DSCAM: variants seen among roughly 807,000 people sequenced by gnomAD.
DSCAM encodes the protein DS cell adhesion molecule, also known as cell adhesion molecule DSCAM.
DSCAM carries 47 observed loss-of-function variants against 217.7 expected under a neutral mutation model. That is an observed-to-expected ratio of 0.22 (90% CI 0.17 to 0.28). The LOEUF (loss-of-function observed/expected upper bound fraction) is 0.28, where lower values mean the gene tolerates loss of function less well. DSCAM is among the 10% of genes least tolerant of loss of function. DSCAM has a pLI of 1.00. For missense variants in DSCAM, 2,080 were observed against 2,618.3 expected (o/e 0.79, Z 4.49); for synonymous variants, 1,056 against 1,015.3 (o/e 1.04, Z -0.76).
chr21:40,585,546 A>T (rs1422137945), intron 3 of DSCAM, among the ~76,000 whole-genome samples: 1 of 152,084 alleles, frequency 6.6e-6, no homozygotes, highest in Non-Finnish European at 1.5e-5. Flanking sequence ...TTCAGAGAGG[A>T]TCTATTTTTT....
chr21:40,561,690 A>G (rs1009408941), intron 3 of DSCAM, among the ~76,000 whole-genome samples: 5 of 151,916 alleles, frequency 3.3e-5, no homozygotes, highest in Non-Finnish European at 5.9e-5. Flanking sequence ...TTTTGTTTCA[A>G]TCTTAGGTCT....
chr21:40,298,201 C>T (rs1256336106), intron 9 of DSCAM, among the ~76,000 whole-genome samples: 1 of 151,702 alleles, frequency 6.6e-6, no homozygotes, highest in African/African-American at 2.4e-5. Flanking sequence ...CTGCCTCAGC[C>T]TCCTGAGTAG....
chr21:40,441,099 C>T (rs539767324), intron 3 of DSCAM, among the ~76,000 whole-genome samples: 3 of 74,116 alleles, frequency 4.0e-5, no homozygotes, highest in African/African-American at 1.3e-4. Context: ...CTGAGGCAAA[C>T]ACATAGAATA....
intron 21 of DSCAM, among the ~76,000 whole-genome samples, chr21:40,090,517 G>C (rs1488442700): frequency 6.6e-6 from 1 of 152,146 alleles, no homozygotes; most frequent in Non-Finnish European, 1.5e-5. Flanking sequence ...ATTTTCGCCT[G>C]GTTTTGCCTG....
At position 40,142,653 on chromosome 21, in the gene DSCAM, C is replaced by A; in HGVS notation, c.3311G>T (p.Ser1104Ile). 6.2e-7 allele frequency: 1 copy of A among 1,614,136 alleles called. No individual in the cohort carries two copies. The highest frequency in any genetic ancestry group is 8.5e-7 in the Non-Finnish European group (1 of 1,180,042). The change falls in exon 18 of 33, where the codon AGC (serine) becomes ATC (isoleucine). Residue 1104 changes from serine (S) to isoleucine (I), a missense_variant. Ser to Ile is a moderately radical substitution (Grantham distance 142, BLOSUM62 -2). Transcript: ENST00000400454. The part of the protein sequence containing the change: ...NVQAIATSPE[S>I]ISISWSTLSK... The stretch of plus-strand genomic sequence containing the variant: ...AAGTGTGGACCAGGATATTGATATG[C>A]TTTCTGGTGATGTTGCTATGGCTTG...
chr21:40,546,675 T>C (rs1223143304), intron 3 of DSCAM, among the ~76,000 whole-genome samples: 1 of 152,190 alleles, frequency 6.6e-6, no homozygotes, highest in Non-Finnish European at 1.5e-5. Context: ...GAGATGAAGT[T>C]CATCCATTTA....
intron 3 of DSCAM, among the ~76,000 whole-genome samples, chr21:40,556,423 T>A (rs2076672344): frequency 6.6e-6 from 1 of 152,212 alleles, no homozygotes; most frequent in South Asian, 2.1e-4. Flanking sequence ...AAGAAAATTG[T>A]AAGGAAGAGA....
At chr21:40,248,819 C>A (rs2073262978) in intron 11 of DSCAM, among the ~76,000 whole-genome samples, 1 of 152,298 alleles carries the variant, frequency 6.6e-6, no homozygotes, top group East Asian at 1.9e-4. Context: ...ATACCTGAGA[C>A]TGGGAAGAAA....
At position 40,052,022 on chromosome 21, in the gene DSCAM, A is replaced by G; in HGVS notation, c.5121T>C (p.His1707=). The G allele has an allele frequency of 6.2e-7, 1 of 1,614,184 alleles. No individual in the cohort carries two copies. Among genetic ancestry groups the G allele is most frequent in the Middle Eastern group, 1.6e-4 (1 of 6,062 alleles). ...CAGTGGCCTGAGACACCGATTGGTAATGGACCGTGTGAGTGACCGTCAGGG... is the reference window on the plus strand; with the variant it reads ...CAGTGGCCTGAGACACCGATTGGTAGTGGACCGTGTGAGTGACCGTCAGGG... The part of the protein sequence containing the change: ...QKSLTVTHTV[H]YQSVSQATGP... Residue 1707 remains histidine (H), a synonymous_variant, in exon 30 of 33, where the codon CAT becomes CAC. Coordinates refer to ENST00000400454, the MANE Select transcript of DSCAM (RefSeq NM_001389.5).
chr21:40,722,926 T>C (rs1398210392), intron 1 of DSCAM, among the ~76,000 whole-genome samples: 1 of 152,124 alleles, frequency 6.6e-6, no homozygotes, highest in Non-Finnish European at 1.5e-5. Context: ...GGACAGATGG[T>C]TATTCCCTAA....
chr21:40,578,539 G>A (rs769011778), intron 3 of DSCAM, among the ~76,000 whole-genome samples: 1 of 152,180 alleles, frequency 6.6e-6, no homozygotes, highest in Non-Finnish European at 1.5e-5. Context: ...CAGGATGTGG[G>A]CAGGGCCAAA....
chr21:40,520,753 G>A (rs1198115522), intron 3 of DSCAM, among the ~76,000 whole-genome samples: 1 of 152,160 alleles, frequency 6.6e-6, no homozygotes, highest in Non-Finnish European at 1.5e-5. Flanking sequence ...GTTGCAGTGA[G>A]CCGAGATTGT....
chr21:40,150,043 C>T (rs2090408216), intron 16 of DSCAM, among the ~76,000 whole-genome samples: 1 of 152,224 alleles, frequency 6.6e-6, no homozygotes, highest in South Asian at 2.1e-4. Context: ...ACTTATTGAA[C>T]ACTGTTTTTT....
rs1225332077 is a variant in DSCAM at position 40,079,080 on chromosome 21, G to T, written c.4421-103C>A. On this transcript the variant is annotated intron_variant, in intron 25 of 32. Transcript: ENST00000400454. ...ACTGCTTCCTCCAGCGAGGCCAGGA[G>T]CTCAGTCCAAGTCTGGCTCACAGGC... 4.4e-6 allele frequency: 6 copies of T among 1,367,728 alleles called. No individual in the cohort carries two copies. The East Asian group carries it at 1.5e-4, about 34-fold the overall frequency. 84.7% of individuals were successfully genotyped at this position (1,367,728 alleles called of 1,614,324 possible).
chr21:40,406,335 G>C (rs1485102221), intron 3 of DSCAM, among the ~76,000 whole-genome samples: 1 of 152,170 alleles, frequency 6.6e-6, no homozygotes, highest in Non-Finnish European at 1.5e-5. Context: ...AATATTTGAA[G>C]AGACAGCTAC....
At chr21:40,385,674 G>A (rs1453558417) in intron 3 of DSCAM, among the ~76,000 whole-genome samples, 1 of 152,138 alleles carries the variant, frequency 6.6e-6, no homozygotes, top group African/African-American at 2.4e-5. Context: ...GTGGCTGAGG[G>A]GTTTGGCTCT....
intron 4 of DSCAM, among the ~76,000 whole-genome samples, chr21:40,354,372 A>G (rs2123651865): frequency 6.6e-6 from 1 of 152,166 alleles, no homozygotes; most frequent in East Asian, 2.0e-4. Flanking sequence ...AAATTAATAA[A>G]ATAAATATTT....
chr21:40,671,192 C>T (rs1260311125), intron 3 of DSCAM, among the ~76,000 whole-genome samples: 1 of 152,100 alleles, frequency 6.6e-6, no homozygotes, highest in Non-Finnish European at 1.5e-5. Context: ...TTTTCCTCAC[C>T]ACATGATTTT....
chr21:40,466,698 C>T (rs1318557776), intron 3 of DSCAM, among the ~76,000 whole-genome samples: 1 of 152,036 alleles, frequency 6.6e-6, no homozygotes, highest in Non-Finnish European at 1.5e-5. Flanking sequence ...AGCTAACACA[C>T]CTCTTTTCTT....
Sources: allele counts gnomAD v4.1 joint callset (sites outside exome capture counted in the v4.1 genomes callset), GRCh38; gene constraint gnomAD v4.1.1; transcripts MANE v1.5; gene names NCBI Gene and HGNC (gene_info 2026-07-23, HGNC 2026-07-21).